NTRK3: variants seen among roughly 807,000 people sequenced by gnomAD.
The protein encoded by NTRK3 is neurotrophic receptor tyrosine kinase 3.
A neutral mutation model predicts 91.7 loss-of-function variants in NTRK3; 24 were observed. The ratio of observed to expected loss-of-function variants is 0.26; its 90% CI spans 0.19 to 0.37. NTRK3 has a LOEUF of 0.37. Among genes scored for constraint, NTRK3 ranks in the 10% least tolerant of loss-of-function variants. The probability of loss-of-function intolerance (pLI) is 1.00; values close to 1 mark genes in which losing one functional copy is unlikely to be tolerated. For missense variants in NTRK3, 880 were observed against 1,068.9 expected, an observed-to-expected ratio of 0.82 and a Z score of 2.46; for synonymous variants, 483 against 404.0, an observed-to-expected ratio of 1.20 and a Z score of -2.34.
rs190228532 is a variant in NTRK3 at position 88,055,074 on chromosome 15, G to A, written c.1397-22029C>T. Among the ~76,000 whole-genome samples, 147 of 152,258 alleles carry A rather than the reference G, an allele frequency of 9.7e-4. 1 individual carries two copies. The highest frequency in any genetic ancestry group is 2.7e-3 in the Admixed American group (41 of 15,306). ...CATGAACTGGCAGAGGGAAGGGGGAGGTGTTTTGTGTGAGGGTGTGGTGCA... is the reference window on the plus strand; with the variant it reads ...CATGAACTGGCAGAGGGAAGGGGGAAGTGTTTTGTGTGAGGGTGTGGTGCA... On this transcript the variant is annotated intron_variant, in intron 13 of 18. Transcript: ENST00000394480.
At chr15:87,927,858 TA>T (rs2068456202) in intron 17 of NTRK3, 1 of 152,234 alleles carries the variant, frequency 6.6e-6, no homozygotes, top group Non-Finnish European at 1.5e-5. Context: ...CGGTATTTGT[TA>T]TAACAGCTGA....
rs1052020093 is a variant in NTRK3 at position 88,100,808 on chromosome 15, G to C, written c.1396+25463C>G. ...TAAATGGTGCTGGGAAAACTGGCTA[G>C]CCATATGTAGAAAGCTGAAACTGGA... On this transcript the variant is annotated intron_variant, in intron 13 of 18. Transcript: ENST00000394480. Among the ~76,000 whole-genome samples, 24 of 152,146 alleles carry C rather than the reference G, an allele frequency of 1.6e-4. 1 individual carries two copies. Among genetic ancestry groups the C allele is most frequent in the Admixed American group, 4.6e-4 (7 of 15,270 alleles).
At chr15:88,179,531 G>A (rs1250648152) in intron 5 of NTRK3, among the ~76,000 whole-genome samples, 1 of 152,224 alleles carries the variant, frequency 6.6e-6, no homozygotes, top group Non-Finnish European at 1.5e-5. Context: ...GTGAAAGGAA[G>A]TACCATTGTT....
chr15:88,196,419 G>C (rs1278026441), intron 3 of NTRK3, among the ~76,000 whole-genome samples: 1 of 152,200 alleles, frequency 6.6e-6, no homozygotes, highest in African/African-American at 2.4e-5. Flanking sequence ...GGCTGGGATG[G>C]GGGCTGCAGA....
At chr15:88,130,722 A>G (rs1358342500) in intron 10 of NTRK3, among the ~76,000 whole-genome samples, 1 of 152,242 alleles carries the variant, frequency 6.6e-6, no homozygotes, top group Middle Eastern at 3.2e-3. Flanking sequence ...GCAAAGTTCC[A>G]AGATCATGAA....
At chr15:88,007,008 C>A (rs1298518324) in intron 14 of NTRK3, among the ~76,000 whole-genome samples, 2 of 152,130 alleles carry the variant, frequency 1.3e-5, no homozygotes, top group African/African-American at 4.8e-5. Flanking sequence ...CCTGTGTCAA[C>A]TGACACCACA....
chr15:88,203,901 A>T (rs1469143874), intron 3 of NTRK3, among the ~76,000 whole-genome samples: 2 of 152,218 alleles, frequency 1.3e-5, no homozygotes, highest in Admixed American at 6.5e-5. Flanking sequence ...TCAGGGATAC[A>T]TGTGCAGAAT....
chr15:88,256,441 C>T (rs559901196), exon 2 of NTRK3: 8 of 541,966 alleles, frequency 1.5e-5, no homozygotes, highest in Admixed American at 1.1e-4. Flanking sequence ...GCTGACTCGC[C>T]GGGTCCGGGG....
intron 14 of NTRK3, among the ~76,000 whole-genome samples, chr15:87,951,972 C>A (rs1289896968): frequency 1.3e-5 from 2 of 151,144 alleles, no homozygotes; most frequent in African/African-American, 4.9e-5. Flanking sequence ...ACTAAAAAAA[C>A]AAAAATTAGC....
exon 16 of NTRK3, chr15:87,933,128 C>G (rs1205742527): frequency 6.2e-7 from 1 of 1,614,124 alleles, no homozygotes; most frequent in Admixed American, 1.7e-5. Context: ...GGTTGGTGAG[C>G]AGCTCGGCCT....
chr15:88,050,988 A>C (rs972805817), intron 13 of NTRK3, among the ~76,000 whole-genome samples: 1 of 152,248 alleles, frequency 6.6e-6, no homozygotes, highest in Non-Finnish European at 1.5e-5. Context: ...CAGAATTTTC[A>C]TCAAATTTAC....
intron 14 of NTRK3, among the ~76,000 whole-genome samples, chr15:88,020,074 C>T (rs1225063983): frequency 2.6e-5 from 4 of 152,192 alleles, no homozygotes; most frequent in Non-Finnish European, 4.4e-5. Flanking sequence ...GCCCTAACTT[C>T]GGAGGGGACC....
Position 87,964,900 on chromosome 15 carries a change from G to A in NTRK3, c.1586-24147C>T, listed in dbSNP as rs535056936. Among the ~76,000 whole-genome samples, 340 of 152,196 alleles carry A rather than the reference G, an allele frequency of 2.2e-3. 2 individuals carry two copies. Among genetic ancestry groups the A allele is most frequent in the African/African-American group, 7.8e-3 (322 of 41,524 alleles). On this transcript the variant is annotated intron_variant, in intron 14 of 18. Transcript: ENST00000394480. ...CCATTCACCAGTCAATAAACATTGC[G>A]TTTTTCTGCTCTTGACCATTATGAA...
intron 5 of NTRK3, among the ~76,000 whole-genome samples, chr15:88,153,362 C>T (rs2043575197): frequency 6.6e-6 from 1 of 152,152 alleles, no homozygotes; most frequent in African/African-American, 2.4e-5. Flanking sequence ...TCTGCCTACG[C>T]CTCCCGAGTA....
intron 3 of NTRK3, among the ~76,000 whole-genome samples, chr15:88,190,055 C>T (rs955932036): frequency 5.9e-5 from 9 of 152,168 alleles, no homozygotes; most frequent in African/African-American, 2.2e-4. Flanking sequence ...CCTGGCAGAA[C>T]TTCCCTGGGC....
intron 3 of NTRK3, among the ~76,000 whole-genome samples, chr15:88,230,029 G>C (rs530260865): frequency 3.9e-5 from 6 of 152,336 alleles, no homozygotes; most frequent in African/African-American, 1.2e-4. Flanking sequence ...ACTTGTAGGG[G>C]TGTGAGCGTG....
At chr15:88,089,058 T>C (rs1456766754) in intron 13 of NTRK3, among the ~76,000 whole-genome samples, 1 of 150,720 alleles carries the variant, frequency 6.6e-6, no homozygotes, top group Non-Finnish European at 1.5e-5. Context: ...ATCATCTTCA[T>C]CAAGGCCACC....
chr15:88,076,663 A>C (rs2047567393), intron 13 of NTRK3, among the ~76,000 whole-genome samples: 1 of 119,302 alleles, frequency 8.4e-6, no homozygotes, highest in South Asian at 3.4e-4. Context: ...TCAAGTAAGT[A>C]TACATATGTA....
Position 88,037,994 on chromosome 15 carries a change from T to C in NTRK3, c.1397-4949A>G, listed in dbSNP as rs143467333. Among the ~76,000 whole-genome samples, 428 of 152,270 alleles carry C rather than the reference T, an allele frequency of 2.8e-3. 4 individuals are homozygous for C. The highest frequency in any genetic ancestry group is 0.015 in the Admixed American group (232 of 15,296). On this transcript the variant is annotated intron_variant, in intron 13 of 18. Transcript: ENST00000394480. Reference sequence around the variant, plus strand: ...GCTCCGGAGCCTGTGCTCATAACCCTCCACCAGCACTGCCTCCCTGAAAGT... The same window carrying C: ...GCTCCGGAGCCTGTGCTCATAACCCCCCACCAGCACTGCCTCCCTGAAAGT...
Sources: gnomAD v4.1 joint callset for allele counts (sites outside exome capture counted in the v4.1 genomes callset) on GRCh38, gnomAD v4.1.1 for gene constraint, MANE v1.5 for transcripts, NCBI Gene and HGNC (gene_info 2026-07-23, HGNC 2026-07-21) for gene names.